Variants in SORCS2 observed in about 807,000 individuals in gnomAD.
SORCS2 encodes the protein VPS10 domain-containing receptor SorCS2.
A neutral mutation model predicts 141.6 loss-of-function variants in SORCS2; 100 were observed. That is an observed-to-expected ratio of 0.71 (90% CI 0.60 to 0.83). SORCS2 has a LOEUF of 0.83. Among genes scored for constraint, SORCS2 ranks in the 40% least tolerant of loss-of-function variants. The probability of loss-of-function intolerance (pLI) is 0.00; values close to 1 mark genes in which losing one functional copy is unlikely to be tolerated. For synonymous variants in SORCS2, 789 were observed against 676.9 expected, an observed-to-expected ratio of 1.17 and a Z score of -2.57; for missense variants, 1,646 against 1,560.2, an observed-to-expected ratio of 1.05 and a Z score of -0.93.
At chr4:7,504,741 G>A (rs28751921) in intron 2 of SORCS2, among the ~76,000 whole-genome samples, 15,011 of 152,232 alleles carry the variant, frequency 0.099, 935 homozygotes, top group African/African-American at 0.17. Context: ...CACGGGGACC[G>A]CATTTTCATT....
chr4:7,480,719 T>C (rs1253429759), intron 2 of SORCS2, among the ~76,000 whole-genome samples: 1 of 152,186 alleles, frequency 6.6e-6, no homozygotes, highest in Non-Finnish European at 1.5e-5. Flanking sequence ...CCTGGAGTTG[T>C]GGGGAGGGCG....
chr4:7,458,461 G>A (rs1355189052), intron 2 of SORCS2, among the ~76,000 whole-genome samples: 1 of 152,126 alleles, frequency 6.6e-6, no homozygotes, highest in African/African-American at 2.4e-5. Context: ...GGAAACCGTG[G>A]AGAATTCCCC....
intron 2 of SORCS2, among the ~76,000 whole-genome samples, chr4:7,436,504 T>C (rs1271647699): frequency 1.3e-5 from 2 of 152,226 alleles, no homozygotes; most frequent in Non-Finnish European, 2.9e-5. Context: ...TCTCTTGCAC[T>C]GAGGGGGTGC....
chr4:7,510,244 T>A (rs1732536162), intron 2 of SORCS2, among the ~76,000 whole-genome samples: 1 of 152,136 alleles, frequency 6.6e-6, no homozygotes, highest in Admixed American at 6.5e-5. Context: ...GGGCTGAGGC[T>A]CCCTCCGCTG....
At chr4:7,406,241 G>T (rs1202519429) in intron 2 of SORCS2, among the ~76,000 whole-genome samples, 1 of 151,106 alleles carries the variant, frequency 6.6e-6, no homozygotes, top group African/African-American at 2.4e-5. Context: ...GGAAACGCTG[G>T]CTTCATAGAA....
At chr4:7,350,085 C>T (rs535191070) in intron 1 of SORCS2, among the ~76,000 whole-genome samples, 2 of 152,102 alleles carry the variant, frequency 1.3e-5, no homozygotes, top group African/African-American at 2.4e-5. Context: ...CAAAGTCTGG[C>T]GAAAAGGGTA....
rs143320884 is a variant in SORCS2, at chr4:7,336,919, G to A, written c.481-59369G>A. ...GAGATCCTGGACTTGTCCCTGAGCC[G>A]CCCTGAGCCCCAAGTTCTCATCTGA... On this transcript the variant is annotated intron_variant, in intron 1 of 26. Coordinates refer to ENST00000507866, the MANE Select transcript of SORCS2 (RefSeq NM_020777.3). 2.8e-4 allele frequency among the ~76,000 whole-genome samples: 42 copies of A among 152,264 alleles called. 1 individual carries two copies. Among genetic ancestry groups the A allele is most frequent in the Admixed American group, 2.0e-4 (3 of 15,302 alleles).
chr4:7,384,475 G>C lies in SORCS2; in HGVS notation c.481-11813G>C, dbSNP rs555896173. 2.0e-3 allele frequency among the ~76,000 whole-genome samples: 301 copies of C among 152,302 alleles called. 3 individuals carry two copies. The highest frequency in any genetic ancestry group is 6.9e-3 in the African/African-American group (285 of 41,574). ...GTCAGACCTCGGGGGACTGGGGCTGGCTGTGGGAAGGAGACGGGGTTAAGG... is the reference window on the plus strand; with the variant it reads ...GTCAGACCTCGGGGGACTGGGGCTGCCTGTGGGAAGGAGACGGGGTTAAGG... On this transcript the variant is annotated intron_variant, in intron 1 of 26. Transcript: ENST00000507866.
At chr4:7,214,991 T>G (rs545433964) in intron 1 of SORCS2, among the ~76,000 whole-genome samples, 1 of 152,174 alleles carries the variant, frequency 6.6e-6, no homozygotes, top group East Asian at 1.9e-4. Flanking sequence ...CCTCGCTTGC[T>G]CTCGGTGCGT....
At chr4:7,285,479 C>T (rs1716153740) in intron 1 of SORCS2, among the ~76,000 whole-genome samples, 1 of 152,242 alleles carries the variant, frequency 6.6e-6, no homozygotes, top group African/African-American at 2.4e-5. Flanking sequence ...CTATCTCATG[C>T]CCCACTCACC....
chr4:7,386,139 GCA>G (rs529629525), intron 1 of SORCS2, among the ~76,000 whole-genome samples: 70 of 150,040 alleles, frequency 4.7e-4, no homozygotes, highest in African/African-American at 1.5e-3. Context: ...ACGCACACAT[GCA>G]CACACATACA....
chr4:7,611,474 G>A (rs1718402710), intron 3 of SORCS2, among the ~76,000 whole-genome samples: 1 of 152,158 alleles, frequency 6.6e-6, no homozygotes, highest in Non-Finnish European at 1.5e-5. Flanking sequence ...CAGCCCAGGA[G>A]CTGTTGGGAG....
At chr4:7,428,152 G>GCGTCC in intron 2 of SORCS2, among the ~76,000 whole-genome samples, 1 of 152,294 alleles carries the variant, frequency 6.6e-6, no homozygotes, top group Admixed American at 6.5e-5. Flanking sequence ...GTTTTGCACA[G>GCGTCC]CGTCCCTGGG....
chr4:7,231,810 A>G (rs573118499), intron 1 of SORCS2, among the ~76,000 whole-genome samples: 1 of 152,268 alleles, frequency 6.6e-6, no homozygotes. Context: ...GTGGGTGGTC[A>G]GCAGAGGAGG....
intron 2 of SORCS2, among the ~76,000 whole-genome samples, chr4:7,480,814 G>C (rs1048967155): frequency 6.6e-6 from 1 of 152,258 alleles, no homozygotes; most frequent in African/African-American, 2.4e-5. Context: ...AGGCTTGGCT[G>C]GGACAGGAGT....
At chr4:7,513,186 C>T (rs112137392) in intron 2 of SORCS2, among the ~76,000 whole-genome samples, 5 of 152,274 alleles carry the variant, frequency 3.3e-5, no homozygotes, top group Admixed American at 1.3e-4. Flanking sequence ...AGAATGGGAC[C>T]GTATGTAGCC....
intron 1 of SORCS2, among the ~76,000 whole-genome samples, chr4:7,394,789 G>A (rs112962070): frequency 1.3e-5 from 2 of 152,078 alleles, no homozygotes; most frequent in East Asian, 1.9e-4. Flanking sequence ...CTCCAGAGCC[G>A]AGCTCCACCC....
chr4:7,495,881 G>A (rs1436826707), intron 2 of SORCS2, among the ~76,000 whole-genome samples: 1 of 152,206 alleles, frequency 6.6e-6, no homozygotes, highest in Non-Finnish European at 1.5e-5. Flanking sequence ...GAGGCCCAGG[G>A]TGCCTGCATG....
chr4:7,497,090 A>G (rs1731676975), intron 2 of SORCS2, among the ~76,000 whole-genome samples: 1 of 152,238 alleles, frequency 6.6e-6, no homozygotes, highest in South Asian at 2.1e-4. Context: ...TGAGGGTCAG[A>G]GTGGCAAAGA....
Sources: gnomAD v4.1 joint callset for allele counts (sites outside exome capture counted in the v4.1 genomes callset) on GRCh38, gnomAD v4.1.1 for gene constraint, MANE v1.5 for transcripts, NCBI Gene and HGNC (gene_info 2026-07-23, HGNC 2026-07-21) for gene names.